The following RBFOX1 variants were observed in gnomAD, a reference collection of about 807,000 sequenced individuals.
The protein encoded by RBFOX1 is RNA binding fox-1 homolog 1, also known as RNA binding protein fox-1 homolog 1.
In RBFOX1, 8 loss-of-function variants were observed where a neutral mutation model predicts 57.7. The observed-to-expected ratio is 0.14, with a 90% CI of 0.08 to 0.25. The LOEUF (loss-of-function observed/expected upper bound fraction) is 0.25, where lower values mean the gene tolerates loss of function less well. RBFOX1 is among the 10% of genes least tolerant of loss of function. The pLI, the probability that RBFOX1 is intolerant of heterozygous loss-of-function variation, is 1.00. For synonymous variants in RBFOX1, 326 were observed against 222.4 expected, an observed-to-expected ratio of 1.47 and a Z score of -4.15; for missense variants, 611 against 548.5, an observed-to-expected ratio of 1.11 and a Z score of -1.14.
chr16:6,342,247 C>T (rs1380138816), intron 2 of RBFOX1, among the ~76,000 whole-genome samples: 4 of 152,220 alleles, frequency 2.6e-5, no homozygotes, highest in African/African-American at 4.8e-5. Context: ...TGCAGAGCTC[C>T]TGGGGAGAGA....
intron 4 of RBFOX1, among the ~76,000 whole-genome samples, chr16:7,180,061 C>G (rs924093633): frequency 6.6e-6 from 1 of 152,060 alleles, no homozygotes; most frequent in African/African-American, 2.4e-5. Context: ...ATATTTTGAA[C>G]AGAGCCTGCT....
intron 1 of RBFOX1, among the ~76,000 whole-genome samples, chr16:6,087,944 C>G (rs553822264): frequency 6.6e-6 from 1 of 152,310 alleles, no homozygotes; most frequent in East Asian, 1.9e-4. Context: ...AGCCACCACA[C>G]CCAGCCTTAT....
At chr16:7,073,593 A>C (rs1374202168) in intron 4 of RBFOX1, among the ~76,000 whole-genome samples, 1 of 152,170 alleles carries the variant, frequency 6.6e-6, no homozygotes, top group Admixed American at 6.5e-5. Context: ...GTGTAATCCC[A>C]GCCCCTTTGG....
At chr16:6,847,772 G>C (rs1341380863) in intron 3 of RBFOX1, among the ~76,000 whole-genome samples, 1 of 151,992 alleles carries the variant, frequency 6.6e-6, no homozygotes, top group East Asian at 1.9e-4. Flanking sequence ...GTCACGTGTG[G>C]CTTAGAAATT....
intron 3 of RBFOX1, among the ~76,000 whole-genome samples, chr16:6,971,508 T>TGG (rs980917775): frequency 8.9e-5 from 10 of 112,944 alleles, no homozygotes; most frequent in African/African-American, 1.5e-4. Context: ...GAGAGAGAGT[T>TGG]GGTGTGTGTG....
intron 2 of RBFOX1, among the ~76,000 whole-genome samples, chr16:5,478,165 G>T (rs1452502991): frequency 6.6e-6 from 1 of 152,164 alleles, no homozygotes; most frequent in Non-Finnish European, 1.5e-5. Flanking sequence ...TTGGGGCTCA[G>T]CTTGGCGGAG....
chr16:6,135,429 G>A (rs1192388458), intron 1 of RBFOX1, among the ~76,000 whole-genome samples: 1 of 152,160 alleles, frequency 6.6e-6, no homozygotes, highest in Non-Finnish European at 1.5e-5. Flanking sequence ...TTGTTTTAAT[G>A]AGGAAGAGTG....
chr16:6,863,577 T>C (rs1332976866), intron 3 of RBFOX1, among the ~76,000 whole-genome samples: 1 of 150,932 alleles, frequency 6.6e-6, no homozygotes, highest in African/African-American at 2.4e-5. Flanking sequence ...ATTAAAGATG[T>C]GATCTGTTCC....
chr16:5,987,160 A>G (rs1461905084), intron 4 of RBFOX1, among the ~76,000 whole-genome samples: 1 of 152,130 alleles, frequency 6.6e-6, no homozygotes, highest in African/African-American at 2.4e-5. Context: ...TCATTTACCA[A>G]CTGCATCTAC....
At chr16:7,684,868 A>G (rs977416906) in intron 14 of RBFOX1, among the ~76,000 whole-genome samples, 6 of 152,096 alleles carry the variant, frequency 3.9e-5, no homozygotes, top group Non-Finnish European at 5.9e-5. Context: ...CTGTTTTTTC[A>G]GAATGATCGT....
intron 1 of RBFOX1, among the ~76,000 whole-genome samples, chr16:6,122,126 G>A (rs765167714): frequency 6.6e-6 from 1 of 152,078 alleles, no homozygotes; most frequent in Admixed American, 6.5e-5. Context: ...GGCTGGTCTC[G>A]AACTCCTGGC....
intron 3 of RBFOX1, among the ~76,000 whole-genome samples, chr16:6,903,790 G>T (rs1348684100): frequency 3.9e-5 from 6 of 152,166 alleles, no homozygotes; most frequent in African/African-American, 1.2e-4. Flanking sequence ...AGCTGCCGCT[G>T]CTTAGCCAGA....
intron 4 of RBFOX1, among the ~76,000 whole-genome samples, chr16:7,158,682 GGTGTGTCT>G (rs1237871281): frequency 7.0e-6 from 1 of 142,460 alleles, no homozygotes; most frequent in Non-Finnish European, 1.6e-5. Flanking sequence ...ATGTGTGTAT[GGTGTGTCT>G]GTGTGTTTGT....
chr16:6,891,870 A>C (rs1434638652), intron 3 of RBFOX1, among the ~76,000 whole-genome samples: 1 of 152,190 alleles, frequency 6.6e-6, no homozygotes, highest in Non-Finnish European at 1.5e-5. Flanking sequence ...CAGCAAGGCC[A>C]GCACTGCTTT....
At chr16:5,717,365 C>G (rs1344320352) in intron 3 of RBFOX1, among the ~76,000 whole-genome samples, 1 of 151,814 alleles carries the variant, frequency 6.6e-6, no homozygotes, top group Non-Finnish European at 1.5e-5. Flanking sequence ...AAAATGTTTA[C>G]TTTCAATAGT....
intron 14 of RBFOX1, among the ~76,000 whole-genome samples, chr16:7,704,645 C>T (rs1316147451): frequency 1.3e-5 from 2 of 152,146 alleles, no homozygotes; most frequent in Non-Finnish European, 2.9e-5. Flanking sequence ...CCATGGAGTT[C>T]TCGTTCCAGG....
At chr16:5,249,233 C>T (rs1008337634) in intron 1 of RBFOX1, among the ~76,000 whole-genome samples, 1 of 152,120 alleles carries the variant, frequency 6.6e-6, no homozygotes, top group African/African-American at 2.4e-5. Flanking sequence ...TGTGTGGCAC[C>T]CTGTTCTGGG....
chr16:6,883,438 T>G (rs2063351826), intron 3 of RBFOX1, among the ~76,000 whole-genome samples: 1 of 152,196 alleles, frequency 6.6e-6, no homozygotes, highest in African/African-American at 2.4e-5. Context: ...TTCATAGACA[T>G]TGTACAAGAT....
At chr16:6,045,870 A>G (rs2095490113) in intron 1 of RBFOX1, among the ~76,000 whole-genome samples, 1 of 152,200 alleles carries the variant, frequency 6.6e-6, no homozygotes, top group Non-Finnish European at 1.5e-5. Context: ...AACCCCAGGG[A>G]AAGACCATTC....
Sources: gnomAD v4.1 joint callset for allele counts (sites outside exome capture counted in the v4.1 genomes callset) on GRCh38, gnomAD v4.1.1 for gene constraint, MANE v1.5 for transcripts, NCBI Gene and HGNC (gene_info 2026-07-23, HGNC 2026-07-21) for gene names.